Variants in TNFSF8 observed in about 807,000 individuals in gnomAD.
TNFSF8 encodes the protein TNF superfamily member 8.
A neutral mutation model predicts 22.0 loss-of-function variants in TNFSF8; 4 were observed. The observed-to-expected ratio is 0.18, with a 90% CI of 0.09 to 0.42. The LOEUF (loss-of-function observed/expected upper bound fraction) is 0.42, where lower values mean the gene tolerates loss of function less well. Ranked by LOEUF, TNFSF8 falls within the 10% of genes least tolerant of loss-of-function variation. The pLI, the probability that TNFSF8 is intolerant of heterozygous loss-of-function variation, is 1.00. For missense variants in TNFSF8, 233 were observed against 281.8 expected (o/e 0.83, Z 1.24); for synonymous variants, 106 against 112.5 (o/e 0.94, Z 0.37).
intron 1 of TNFSF8, among the ~76,000 whole-genome samples, chr9:114,928,864 A>G (rs1443309875): frequency 6.6e-6 from 1 of 152,246 alleles, no homozygotes; most frequent in East Asian, 1.9e-4. Context: ...CTTGAGAAAT[A>G]GATATCAAAG....
chr9:114,901,581 G>A lies in TNFSF8; in HGVS notation c.*2350C>T. 1 of 985,298 alleles carries A rather than the reference G, an allele frequency of 1.0e-6. No individual in the cohort carries two copies. Among genetic ancestry groups the A allele is most frequent in the Non-Finnish European group, 1.2e-6 (1 of 829,814 alleles). 61.0% of individuals were successfully genotyped at this position (985,298 alleles called of 1,614,324 possible). A position where few individuals can be genotyped will look rare whatever the true frequency, so the allele number is the denominator to read the frequency against. ...CATATACCTTTTCAAGAATGCATGA[G>A]TTGGTTTAAGCAAGATTCATTTGTC... On this transcript the variant is annotated 3_prime_UTR_variant, in exon 4 of 4. Transcript: ENST00000223795.
chr9:114,918,053 T>C (rs770857438), intron 2 of TNFSF8, 43 bp downstream of exon 2: 1 of 1,560,888 alleles, frequency 6.4e-7, no homozygotes, highest in Admixed American at 2.0e-5. Flanking sequence ...GGCATTTATC[T>C]AGATGACTTA....
chr9:114,921,242 A>C (rs1827984273), intron 1 of TNFSF8, among the ~76,000 whole-genome samples: 2 of 152,194 alleles, frequency 1.3e-5, no homozygotes, highest in Non-Finnish European at 2.9e-5. Flanking sequence ...AAGCGTGACT[A>C]TTCCTATTTT....
At chr9:114,926,415 G>T (rs1828060919) in intron 1 of TNFSF8, among the ~76,000 whole-genome samples, 1 of 152,078 alleles carries the variant, frequency 6.6e-6, no homozygotes, top group Non-Finnish European at 1.5e-5. Flanking sequence ...GGGCGACAGA[G>T]CGAGACTGTC....
chr9:114,926,689 TATGGGTTTATTATAATGACCC>T (rs1452030698), intron 1 of TNFSF8, among the ~76,000 whole-genome samples: 1 of 152,072 alleles, frequency 6.6e-6, no homozygotes, highest in Non-Finnish European at 1.5e-5. Flanking sequence ...GATGCAAAAT[TATGGGTTTATTATAATGACCC>T]ATGGGTTTAT....
chr9:114,896,099 A>T (rs1827652887), intron 4 of TNFSF8, among the ~76,000 whole-genome samples: 3 of 152,228 alleles, frequency 2.0e-5, no homozygotes, highest in Admixed American at 2.0e-4. Context: ...ACTTGGGGGA[A>T]ACAGAGAAAC....
At chr9:114,900,915 G>C (rs1008761207), downstream of TNFSF8, among the ~76,000 whole-genome samples, 2 of 152,164 alleles carry the variant, frequency 1.3e-5, no homozygotes, top group African/African-American at 2.4e-5. Flanking sequence ...CCAGGAAGGG[G>C]AGGCTGCAGT....
At chr9:114,922,614 G>A (rs1030424649) in intron 1 of TNFSF8, among the ~76,000 whole-genome samples, 1 of 152,192 alleles carries the variant, frequency 6.6e-6, no homozygotes, top group Non-Finnish European at 1.5e-5. Context: ...TGAAGGCACT[G>A]CTCTTCAATG....
rs182167376 is a variant in TNFSF8 at position 114,906,312 on chromosome 9, G to A, written c.239-413C>T. 3.9e-4 allele frequency among the ~76,000 whole-genome samples: 59 copies of A among 152,340 alleles called. 1 individual carries two copies. Among genetic ancestry groups the A allele is most frequent in the South Asian group, 2.1e-4 (1 of 4,832 alleles). On this transcript the variant is annotated intron_variant, in intron 2 of 3. Transcript: ENST00000223795. ...CCACGCAGGTGAAATACATTGTTTC[G>A]TGGTGCCTTGCCAGGCAGTGGTAGT...
intron 1 of TNFSF8, among the ~76,000 whole-genome samples, chr9:114,925,912 C>T (rs557855313): frequency 6.6e-6 from 1 of 152,218 alleles, no homozygotes; most frequent in Admixed American, 6.5e-5. Context: ...TAAACACCTA[C>T]CTGTGGTGTT....
downstream of TNFSF8, among the ~76,000 whole-genome samples, chr9:114,896,598 T>TA (rs1827657297): frequency 6.6e-6 from 1 of 152,192 alleles, no homozygotes; most frequent in Admixed American, 6.5e-5. Context: ...GCTACCTAAA[T>TA]ATGTACACTA....
chr9:114,909,303 A>G (rs532324498), intron 2 of TNFSF8, among the ~76,000 whole-genome samples: 2 of 152,224 alleles, frequency 1.3e-5, no homozygotes, highest in Non-Finnish European at 2.9e-5. Flanking sequence ...AAATTCTGCA[A>G]TGTCCCTGGA....
intron 2 of TNFSF8, among the ~76,000 whole-genome samples, chr9:114,906,501 G>T (rs1000198727): frequency 1.3e-5 from 2 of 152,226 alleles, no homozygotes; most frequent in Non-Finnish European, 2.9e-5. Flanking sequence ...CATCGCCTAA[G>T]TTCAGACAAG....
At chr9:114,893,910 A>C (rs1046457679) in exon 5 of TNFSF8, 3 of 583,402 alleles carry the variant, frequency 5.1e-6, no homozygotes, top group Admixed American at 3.0e-5. Context: ...CCACGATTCC[A>C]AATCATGGAC....
At chr9:114,893,882 G>A (rs531617032) in exon 5 of TNFSF8, 220 of 537,866 alleles carry the variant, frequency 4.1e-4, no homozygotes, top group Non-Finnish European at 6.3e-4. Context: ...TCTCTCTCTG[G>A]GGCCAGGAAG....
chr9:114,902,647 C>T lies in TNFSF8; in HGVS notation c.*1284G>A, dbSNP rs1329627461. 1.0e-6 allele frequency: 1 copy of T among 985,230 alleles called. No homozygotes were observed. The highest frequency in any genetic ancestry group is 1.2e-6 in the Non-Finnish European group (1 of 829,938). 61.0% of individuals were successfully genotyped at this position (985,230 alleles called of 1,614,324 possible). Reference sequence around the variant, plus strand: ...TGGCTCTGCTGAGATGAGATGCAGTCAGGTGTTACTAGTGTCTTCAATTAT... The same window carrying T: ...TGGCTCTGCTGAGATGAGATGCAGTTAGGTGTTACTAGTGTCTTCAATTAT... On this transcript the variant is annotated 3_prime_UTR_variant, in exon 4 of 4. Coordinates refer to ENST00000223795, the MANE Select transcript of TNFSF8 (RefSeq NM_001244.4).
At chr9:114,918,955 T>C (rs2131347548) in intron 1 of TNFSF8, among the ~76,000 whole-genome samples, 1 of 152,162 alleles carries the variant, frequency 6.6e-6, no homozygotes, top group East Asian at 1.9e-4. Flanking sequence ...TGTTTGGGTG[T>C]TTTTTTCTTT....
At chr9:114,920,706 T>A (rs1049940459) in intron 1 of TNFSF8, among the ~76,000 whole-genome samples, 6 of 152,134 alleles carry the variant, frequency 3.9e-5, no homozygotes, top group Non-Finnish European at 8.8e-5. Flanking sequence ...CCTCACTCTG[T>A]CACCCAGGCT....
At chr9:114,894,253 T>C in intron 4 of TNFSF8, 1 of 1,117,884 alleles carries the variant, frequency 8.9e-7, no homozygotes, top group Non-Finnish European at 1.3e-6. Flanking sequence ...GCCCACAGTT[T>C]AGCAGGGAGG....
Sources: allele counts gnomAD v4.1 joint callset (sites outside exome capture counted in the v4.1 genomes callset), GRCh38; gene constraint gnomAD v4.1.1; transcripts MANE v1.5; gene names NCBI Gene and HGNC (gene_info 2026-07-23, HGNC 2026-07-21).